MSRA: variants seen among roughly 807,000 people sequenced by gnomAD.
MSRA encodes the protein mitochondrial peptide methionine sulfoxide reductase.
In MSRA, 54 loss-of-function variants were observed where a neutral mutation model predicts 31.3. The ratio of observed to expected loss-of-function variants is 1.73; its 90% CI spans 1.39 to 2.17. The LOEUF is 2.17. Among genes scored for constraint, MSRA ranks in the 30% most tolerant of loss-of-function variants. MSRA has a pLI of 0.00. For missense variants in MSRA, 507 were observed against 300.9 expected (o/e 1.69, Z -5.07); for synonymous variants, 169 against 116.5 (o/e 1.45, Z -2.90).
At chr8:10,056,399 C>G (rs1285434997) in intron 1 of MSRA, among the ~76,000 whole-genome samples, 1 of 152,048 alleles carries the variant, frequency 6.6e-6, no homozygotes, top group Admixed American at 6.5e-5. Flanking sequence ...CAATTTTTTT[C>G]TTATCCCCAT....
At chr8:10,270,088 A>G (rs28377804) in intron 3 of MSRA, among the ~76,000 whole-genome samples, 2,041 of 152,376 alleles carry the variant, frequency 0.013, 15 homozygotes, top group Middle Eastern at 0.02. Context: ...TGTAGTTGCT[A>G]TAGAATGAAT....
chr8:10,093,555 G>C (rs1283288970), intron 1 of MSRA, among the ~76,000 whole-genome samples: 1 of 151,892 alleles, frequency 6.6e-6, no homozygotes, highest in Non-Finnish European at 1.5e-5. Context: ...CTATGCTTTT[G>C]TCATTTACAT....
At chr8:10,058,500 AT>A (rs1192183737) in intron 1 of MSRA, among the ~76,000 whole-genome samples, 2 of 152,236 alleles carry the variant, frequency 1.3e-5, no homozygotes, top group Non-Finnish European at 2.9e-5. Context: ...AAGCAGGTTG[AT>A]TTTTATAGAA....
intron 1 of MSRA, among the ~76,000 whole-genome samples, chr8:10,205,885 G>T (rs533098032): frequency 1.3e-5 from 2 of 152,060 alleles, no homozygotes; most frequent in African/African-American, 2.4e-5. Context: ...CTCTCTCAAG[G>T]CTGCATTTAA....
chr8:10,203,406 G>A (rs1808670847), intron 1 of MSRA, among the ~76,000 whole-genome samples: 1 of 152,216 alleles, frequency 6.6e-6, no homozygotes, highest in Admixed American at 6.5e-5. Flanking sequence ...ATAAAGATAT[G>A]TAACAGTCAT....
At chr8:10,349,586 C>G (rs1311977285) in intron 5 of MSRA, among the ~76,000 whole-genome samples, 1 of 152,254 alleles carries the variant, frequency 6.6e-6, no homozygotes, top group Non-Finnish European at 1.5e-5. Flanking sequence ...CTGTTCCCCT[C>G]TGGGAGCCTC....
chr8:10,056,594 C>G (rs1338966088), intron 1 of MSRA, among the ~76,000 whole-genome samples: 8 of 149,242 alleles, frequency 5.4e-5, no homozygotes, highest in African/African-American at 2.0e-4. Flanking sequence ...TCTATTGTAA[C>G]TTTTTCCACA....
intron 1 of MSRA, among the ~76,000 whole-genome samples, chr8:10,127,961 G>A (rs755925083): frequency 6.6e-6 from 1 of 152,128 alleles, no homozygotes; most frequent in Non-Finnish European, 1.5e-5. Flanking sequence ...TTCTCCTGGG[G>A]CAGTGTTTCA....
At chr8:10,231,641 G>A (rs1230024047) in intron 2 of MSRA, among the ~76,000 whole-genome samples, 2 of 152,200 alleles carry the variant, frequency 1.3e-5, no homozygotes, top group Non-Finnish European at 1.5e-5. Context: ...AGTGGCTCAC[G>A]CCTGTAATCC....
rs7832670 is a variant in MSRA at position 10,208,226 on chromosome 8, A to T, written c.211+325A>T. 3.7e-3 allele frequency among the ~76,000 whole-genome samples: 566 copies of T among 151,300 alleles called. 2 individuals carry two copies. Among genetic ancestry groups the T allele is most frequent in the Non-Finnish European group, 5.7e-3 (390 of 67,924 alleles). ...GCTAGCACGGATTTTTTTTTTTTCC[A>T]CATAGATATATCACTTTGTTAAAGG... On this transcript the variant is annotated intron_variant, in intron 2 of 5. Coordinates refer to ENST00000317173, the MANE Select transcript of MSRA (RefSeq NM_012331.5).
At chr8:10,427,748 C>G (rs1265284104) in intron 5 of MSRA, among the ~76,000 whole-genome samples, 1 of 152,184 alleles carries the variant, frequency 6.6e-6, no homozygotes, top group East Asian at 1.9e-4. Context: ...TGAGCCCTCT[C>G]AGGGACATCC....
chr8:10,280,895 A>G (rs530009899), intron 3 of MSRA, among the ~76,000 whole-genome samples: 1 of 152,276 alleles, frequency 6.6e-6, no homozygotes, highest in African/African-American at 2.4e-5. Context: ...GAAAGAATCC[A>G]CTCGCAAAAA....
At chr8:10,056,921 G>A (rs1459256407) in intron 1 of MSRA, among the ~76,000 whole-genome samples, 1 of 152,190 alleles carries the variant, frequency 6.6e-6, no homozygotes, top group Non-Finnish European at 1.5e-5. Flanking sequence ...TGTTTCTTTA[G>A]TGCGTTTAGA....
chr8:10,392,538 CG>C (rs1806811900), intron 5 of MSRA, among the ~76,000 whole-genome samples: 1 of 151,898 alleles, frequency 6.6e-6, no homozygotes, highest in African/African-American at 2.4e-5. Flanking sequence ...GGGATCTGGC[CG>C]ATGATGCTCT....
chr8:10,426,584 G>T (rs1809180358), intron 5 of MSRA, among the ~76,000 whole-genome samples: 1 of 152,226 alleles, frequency 6.6e-6, no homozygotes. Flanking sequence ...TTCTCTGATT[G>T]GTGGAATCTG....
At chr8:10,382,479 G>T (rs1806129681) in intron 5 of MSRA, among the ~76,000 whole-genome samples, 1 of 152,194 alleles carries the variant, frequency 6.6e-6, no homozygotes, top group African/African-American at 2.4e-5. Context: ...GACCTGCAAG[G>T]AGGCAGGCTT....
chr8:10,238,417 A>C (rs1465387680), intron 2 of MSRA, among the ~76,000 whole-genome samples: 1 of 152,094 alleles, frequency 6.6e-6, no homozygotes, highest in African/African-American at 2.4e-5. Flanking sequence ...TCTTTTTCCC[A>C]CTAGAGTATA....
chr8:10,343,294 A>G (rs1419774310), intron 5 of MSRA, among the ~76,000 whole-genome samples: 2 of 152,188 alleles, frequency 1.3e-5, no homozygotes, highest in East Asian at 3.9e-4. Flanking sequence ...CTGAAGGCAG[A>G]GCTAAGATCG....
At chr8:10,396,573 T>A (rs149490192) in intron 5 of MSRA, among the ~76,000 whole-genome samples, 101 of 152,316 alleles carry the variant, frequency 6.6e-4, no homozygotes, top group African/African-American at 2.3e-3. Context: ...AGTTTTAGAT[T>A]GCCTTAAAAT....
Sources: gnomAD v4.1 joint callset for allele counts (sites outside exome capture counted in the v4.1 genomes callset) on GRCh38, gnomAD v4.1.1 for gene constraint, MANE v1.5 for transcripts, NCBI Gene and HGNC (gene_info 2026-07-23, HGNC 2026-07-21) for gene names.